Variants in RBFOX3 observed in about 807,000 individuals in gnomAD.
The protein encoded by RBFOX3 is RNA binding fox-1 homolog 3.
Under a neutral mutation model 48.7 loss-of-function variants are expected in RBFOX3, and 17 were observed. The observed-to-expected ratio is 0.35, with a 90% CI of 0.24 to 0.52. The LOEUF (loss-of-function observed/expected upper bound fraction) is 0.52, where lower values mean the gene tolerates loss of function less well. Ranked by LOEUF, RBFOX3 falls within the 20% of genes least tolerant of loss-of-function variation. RBFOX3 has a pLI of 0.94. For missense variants in RBFOX3, 382 were observed against 497.5 expected (o/e 0.77, Z 2.21); for synonymous variants, 212 against 209.5 (o/e 1.01, Z -0.10).
At chr17:79,394,507 C>T (rs753511880) in intron 2 of RBFOX3, among the ~76,000 whole-genome samples, 4 of 152,210 alleles carry the variant, frequency 2.6e-5, no homozygotes, top group Non-Finnish European at 5.9e-5. Context: ...GAGCAAGCCA[C>T]GCCAGCCTCA....
chr17:79,428,656 C>A (rs868916705), intron 2 of RBFOX3, among the ~76,000 whole-genome samples: 2 of 152,194 alleles, frequency 1.3e-5, no homozygotes, highest in East Asian at 1.9e-4. Flanking sequence ...CAGACGCCCA[C>A]GTCCACACCC....
intron 2 of RBFOX3, among the ~76,000 whole-genome samples, chr17:79,349,336 C>T (rs1417791324): frequency 6.6e-6 from 1 of 152,148 alleles, no homozygotes; most frequent in Non-Finnish European, 1.5e-5. Flanking sequence ...CTCAGCCACA[C>T]AGCCTTGCTG....
intron 2 of RBFOX3, 144 bp from the exon 3 acceptor site, chr17:79,307,968 CA>C (rs1256975976): frequency 1.3e-5 from 2 of 153,286 alleles, no homozygotes; most frequent in African/African-American, 4.8e-5. Context: ...TTGAACGATA[CA>C]AACAGGAATG....
At chr17:79,432,272 T>C (rs564444455) in intron 2 of RBFOX3, among the ~76,000 whole-genome samples, 75 of 152,388 alleles carry the variant, frequency 4.9e-4, no homozygotes, top group African/African-American at 1.8e-3. Flanking sequence ...TGCACATGTC[T>C]CGTCCATACC....
At chr17:79,167,367 CCTT>C (rs1315259502) in intron 4 of RBFOX3, among the ~76,000 whole-genome samples, 2 of 152,016 alleles carry the variant, frequency 1.3e-5, no homozygotes, top group Non-Finnish European at 2.9e-5. Context: ...GGGGGCCCCT[CCTT>C]CTCTCCCTCT....
intron 4 of RBFOX3, among the ~76,000 whole-genome samples, chr17:79,166,747 C>G (rs895144341): frequency 6.6e-6 from 1 of 152,200 alleles, no homozygotes; most frequent in African/African-American, 2.4e-5. Flanking sequence ...GGTCAGAGTG[C>G]GGATGCCAGG....
chr17:79,618,432 C>T, the RBFOX3 span, among the ~76,000 whole-genome samples: 1 of 152,194 alleles, frequency 6.6e-6, no homozygotes, highest in Non-Finnish European at 1.5e-5. Flanking sequence ...AAAAATCCAT[C>T]CAAGCCGTGT....
intron 4 of RBFOX3, among the ~76,000 whole-genome samples, chr17:79,211,381 C>T (rs184016813): frequency 6.6e-6 from 1 of 152,328 alleles, no homozygotes; most frequent in East Asian, 1.9e-4. Context: ...GTTCCAGATC[C>T]GAGCTGCTGA....
rs148603301 is a variant in RBFOX3, at chr17:79,432,772, G to A, written c.-175+49682C>T. On this transcript the variant is annotated intron_variant, in intron 2 of 14. Transcript: ENST00000693108. ...ACAAGCTTTCAGAAAAGGAGACAACGTAATTGGAATGATCCTAGAAATTCT... is the reference window on the plus strand; with the variant it reads ...ACAAGCTTTCAGAAAAGGAGACAACATAATTGGAATGATCCTAGAAATTCT... Among the ~76,000 whole-genome samples the A allele has an allele frequency of 2.8e-3, 422 of 152,048 alleles. 1 individual carries two copies. Among genetic ancestry groups the A allele is most frequent in the Middle Eastern group, 0.017 (5 of 294 alleles).
At chr17:79,324,485 A>T (rs1444234254) in intron 2 of RBFOX3, among the ~76,000 whole-genome samples, 1 of 152,206 alleles carries the variant, frequency 6.6e-6, no homozygotes, top group Non-Finnish European at 1.5e-5. Flanking sequence ...TCCCATTGGC[A>T]GTGCCCCTTC....
intron 2 of RBFOX3, among the ~76,000 whole-genome samples, chr17:79,444,205 C>G (rs935609946): frequency 6.6e-6 from 1 of 152,164 alleles, no homozygotes; most frequent in Admixed American, 6.5e-5. Flanking sequence ...ACCGGACACC[C>G]ACTTCAGGTT....
chr17:79,559,038 C>A (rs1011989664), intron 1 of RBFOX3, among the ~76,000 whole-genome samples: 1 of 152,100 alleles, frequency 6.6e-6, no homozygotes, highest in African/African-American at 2.4e-5. Context: ...CCCTGGGAGC[C>A]CTGGCCAGGC....
chr17:79,341,846 A>G (rs2082146322), intron 2 of RBFOX3, among the ~76,000 whole-genome samples: 1 of 152,268 alleles, frequency 6.6e-6, no homozygotes, highest in East Asian at 1.9e-4. Context: ...CTAAGGGAAA[A>G]ACAATTTGCA....
At chr17:79,149,680 G>A (rs895722633) in intron 4 of RBFOX3, among the ~76,000 whole-genome samples, 1 of 151,894 alleles carries the variant, frequency 6.6e-6, no homozygotes, top group Non-Finnish European at 1.5e-5. Context: ...GCTCATGCCC[G>A]CCCGCTCAGG....
At chr17:79,502,041 A>G (rs2082444413) in intron 1 of RBFOX3, among the ~76,000 whole-genome samples, 1 of 152,184 alleles carries the variant, frequency 6.6e-6, no homozygotes, top group African/African-American at 2.4e-5. Flanking sequence ...AACCCTGGTC[A>G]TTGCCACACT....
chr17:79,191,635 G>A (rs184994795), intron 4 of RBFOX3, among the ~76,000 whole-genome samples: 11 of 152,332 alleles, frequency 7.2e-5, no homozygotes, highest in African/African-American at 2.2e-4. Flanking sequence ...GTGACGAGGC[G>A]GCCGGCGGCG....
chr17:79,500,250 CTTT>C (rs1222646327), intron 1 of RBFOX3, among the ~76,000 whole-genome samples: 8 of 104,242 alleles, frequency 7.7e-5, no homozygotes, highest in Admixed American at 4.2e-4. Context: ...AGAGAAATGA[CTTT>C]TTTTTTTTTT....
At chr17:79,596,076 C>T (rs920781875) in intron 1 of RBFOX3, among the ~76,000 whole-genome samples, 4 of 152,128 alleles carry the variant, frequency 2.6e-5, no homozygotes, top group Non-Finnish European at 4.4e-5. Context: ...CTTTTTCCTC[C>T]CTCTTATCTA....
intron 2 of RBFOX3, among the ~76,000 whole-genome samples, chr17:79,376,129 T>C (rs551731317): frequency 5.9e-5 from 9 of 152,272 alleles, no homozygotes; most frequent in African/African-American, 2.2e-4. Context: ...ATGGTGGCCC[T>C]GTGTCCCCCA....
Sources: allele counts gnomAD v4.1 joint callset (sites outside exome capture counted in the v4.1 genomes callset), GRCh38; gene constraint gnomAD v4.1.1; transcripts MANE v1.5; gene names NCBI Gene and HGNC (gene_info 2026-07-23, HGNC 2026-07-21).